Variants in PCDHA3 observed in about 807,000 individuals in gnomAD.
PCDHA3 encodes protocadherin alpha 3.
A neutral mutation model predicts 62.2 loss-of-function variants in PCDHA3; 41 were observed. That is an observed-to-expected ratio of 0.66 (90% CI 0.51 to 0.86). The LOEUF (loss-of-function observed/expected upper bound fraction) is 0.86, where lower values mean the gene tolerates loss of function less well. Among genes scored for constraint, PCDHA3 ranks in the 40% least tolerant of loss-of-function variants. The probability of loss-of-function intolerance (pLI) is 0.00; values close to 1 mark genes in which losing one functional copy is unlikely to be tolerated. For missense variants in PCDHA3, 1,304 were observed against 1,241.2 expected, an observed-to-expected ratio of 1.05 and a Z score of -0.76; for synonymous variants, 640 against 555.4, an observed-to-expected ratio of 1.15 and a Z score of -2.14.
chr5:140,828,649 T>C, intron 1 of PCDHA3: 2 of 1,614,100 alleles, frequency 1.2e-6, no homozygotes, highest in Non-Finnish European at 1.7e-6. Context: ...AAATAAACAG[T>C]GATGACAATA....
chr5:140,909,496 G>C (rs1554193832), intron 1 of PCDHA3, among the ~76,000 whole-genome samples: 1 of 152,168 alleles, frequency 6.6e-6, no homozygotes, highest in African/African-American at 2.4e-5. Context: ...GCTGAACGGG[G>C]ATGTGGTGGG....
intron 3 of PCDHA3, among the ~76,000 whole-genome samples, chr5:140,997,614 A>G (rs1355709943): frequency 6.6e-6 from 1 of 152,148 alleles, no homozygotes; most frequent in Admixed American, 6.6e-5. Context: ...GCATGACTAT[A>G]TAGAGATTTT....
intron 1 of PCDHA3, among the ~76,000 whole-genome samples, chr5:140,919,944 A>T (rs1554199311): frequency 6.6e-6 from 1 of 151,622 alleles, no homozygotes; most frequent in Non-Finnish European, 1.5e-5. Flanking sequence ...AATTCCAGTG[A>T]AAAGTTTGTT....
intron 1 of PCDHA3, chr5:140,929,343 A>G (rs1204297753): frequency 2.0e-6 from 3 of 1,531,032 alleles, no homozygotes; most frequent in Non-Finnish European, 2.6e-6. Context: ...AATTTTATGG[A>G]ATTTGATTCC....
rs139860906 is a variant in PCDHA3, at chr5:140,989,355, C to T, written c.2542+6792C>T. On this transcript the variant is annotated intron_variant, in intron 3 of 3. Transcript: ENST00000522353. Reference sequence around the variant, plus strand: ...CTGACTCAGCTCAAAGGTGATAGGTCACCTGTGTGACTGAGAGCTTTGTGG... The same window carrying T: ...CTGACTCAGCTCAAAGGTGATAGGTTACCTGTGTGACTGAGAGCTTTGTGG... Among the ~76,000 whole-genome samples the T allele has an allele frequency of 1.6e-4, 25 of 152,258 alleles. No individual in the cohort carries two copies. In the East Asian group the frequency reaches 4.4e-3, roughly 27 times the overall value.
chr5:140,861,728 A>G (rs2047042358), intron 1 of PCDHA3: 1 of 191,386 alleles, frequency 5.2e-6, no homozygotes, highest in Non-Finnish European at 1.1e-5. Context: ...TGCTCTGATG[A>G]CTTACATACT....
At chr5:140,849,740 C>T (rs2150447488) in intron 1 of PCDHA3, 1 of 1,598,420 alleles carries the variant, frequency 6.3e-7, no homozygotes, top group East Asian at 2.2e-5. Flanking sequence ...CTCTGGACCG[C>T]GAGAGTGTGT....
Position 140,801,994 on chromosome 5 carries a change from C to T in PCDHA3, c.797C>T (p.Ala266Val), listed in dbSNP as rs1554121822. Residue 266 changes from alanine to valine, a missense_variant, in exon 1 of 4, where the codon GCC becomes GTC. Coordinates refer to ENST00000522353, the MANE Select transcript of PCDHA3 (RefSeq NM_018906.3). The part of the protein sequence containing the change: ...PNGTLVVTVN[A>V]TDLDEGVNKD... ...GGTACCCTAGTGGTGACCGTTAACG[C>T]CACCGATTTGGATGAAGGAGTAAAT... The T allele has an allele frequency of 1.9e-6, 3 of 1,614,160 alleles. No homozygotes were observed. Among genetic ancestry groups the T allele is most frequent in the Non-Finnish European group, 2.5e-6 (3 of 1,180,030 alleles).
intron 1 of PCDHA3, among the ~76,000 whole-genome samples, chr5:140,838,390 C>T (rs1554137063): frequency 6.6e-6 from 1 of 150,926 alleles, no homozygotes; most frequent in African/African-American, 2.5e-5. Flanking sequence ...TCCCAATGTG[C>T]TGGGATTACA....
chr5:140,870,974 G>C, intron 1 of PCDHA3: 5 of 1,613,628 alleles, frequency 3.1e-6, no homozygotes, highest in Non-Finnish European at 4.2e-6. Context: ...TTCCGCGTGG[G>C]GCTGTACACG....
chr5:140,846,941 G>T (rs1422705277), intron 1 of PCDHA3, among the ~76,000 whole-genome samples: 2 of 149,652 alleles, frequency 1.3e-5, no homozygotes, highest in Admixed American at 1.3e-4. Flanking sequence ...AGAAATACTT[G>T]AAGGGGCATG....
intron 1 of PCDHA3, among the ~76,000 whole-genome samples, chr5:140,945,813 C>G (rs10477097): frequency 1.1e-4 from 16 of 152,202 alleles, no homozygotes; most frequent in African/African-American, 3.6e-4. Context: ...TTATCTCACA[C>G]TGTATACAAA....
At chr5:140,829,294 C>T (rs2150165433) in intron 1 of PCDHA3, 1 of 1,614,256 alleles carries the variant, frequency 6.2e-7, no homozygotes, top group South Asian at 1.1e-5. Flanking sequence ...TGTCCACCTT[C>T]AAGAATTACT....
At chr5:140,915,137 C>T (rs2076999053) in intron 1 of PCDHA3, among the ~76,000 whole-genome samples, 3 of 151,800 alleles carry the variant, frequency 2.0e-5, no homozygotes, top group South Asian at 2.1e-4. Context: ...TTAGTAGAGA[C>T]GGGGTTTCAC....
chr5:140,942,589 T>G (rs1444015331), intron 1 of PCDHA3, among the ~76,000 whole-genome samples: 1 of 148,934 alleles, frequency 6.7e-6, no homozygotes, highest in Non-Finnish European at 1.5e-5. Flanking sequence ...GGATGTCACA[T>G]ATAATTATAG....
rs782641512 is a variant in PCDHA3 at position 140,857,970 on chromosome 5, C to T, written c.2394+54379C>T. The T allele has an allele frequency of 1.9e-5, 30 of 1,596,836 alleles. 3 individuals are homozygous for T. The highest frequency in any genetic ancestry group is 1.1e-4 in the African/African-American group (8 of 74,204). ...ACGCGCGCTCTGGATGAGACTGACT[C>T]GCCACGCCAGCGCCTACTGGTGCTG... On this transcript the variant is annotated intron_variant, in intron 1 of 3. Coordinates refer to ENST00000522353, the MANE Select transcript of PCDHA3 (RefSeq NM_018906.3).
Position 140,803,266 on chromosome 5 carries a change from A to G in PCDHA3, c.2069A>G (p.Glu690Gly). The change falls in exon 1 of 4, where the codon GAA becomes GGA. Residue 690 changes from glutamate (E) to glycine (G), a missense_variant. Transcript: ENST00000522353. ...SQASAGATGP[E>G]AALVDVNVYL... is the part of the protein sequence containing the mutation. The stretch of plus-strand genomic sequence containing the variant: ...GCGTCCGCTGGCGCCACGGGCCCGG[A>G]AGCTGCACTGGTGGATGTCAACGTG... The G allele has an allele frequency of 6.8e-6, 11 of 1,613,988 alleles. No individual in the cohort carries two copies. Among genetic ancestry groups the G allele is most frequent in the Non-Finnish European group, 9.3e-6 (11 of 1,179,968 alleles).
intron 1 of PCDHA3, among the ~76,000 whole-genome samples, chr5:140,885,818 G>C (rs2060726718): frequency 6.6e-6 from 1 of 151,914 alleles, no homozygotes; most frequent in African/African-American, 2.4e-5. Flanking sequence ...ATTTGTATTT[G>C]ATCTTCTTTG....
chr5:140,853,613 A>G, intron 1 of PCDHA3: 1 of 988,108 alleles, frequency 1.0e-6, no homozygotes, highest in Non-Finnish European at 1.2e-6. Context: ...GGGGTGCTGT[A>G]AATAAGTATA....
Sources: allele counts gnomAD v4.1 joint callset (sites outside exome capture counted in the v4.1 genomes callset), GRCh38; gene constraint gnomAD v4.1.1; transcripts MANE v1.5; gene names NCBI Gene and HGNC (gene_info 2026-07-23, HGNC 2026-07-21).